NCAN: variants seen among roughly 807,000 people sequenced by gnomAD.
NCAN encodes the protein neurocan core protein.
In NCAN, 47 loss-of-function variants were observed where a neutral mutation model predicts 121.8. The observed-to-expected ratio is 0.39, with a 90% confidence interval of 0.31 to 0.49. The LOEUF is 0.49. Among genes scored for constraint, NCAN ranks in the 20% least tolerant of loss-of-function variants. The pLI, the probability that NCAN is intolerant of heterozygous loss-of-function variation, is 0.92. For missense variants in NCAN, 1,517 were observed against 1,773.4 expected (o/e 0.86, Z 2.60); for synonymous variants, 633 against 702.0 (o/e 0.90, Z 1.55).
At chr19:19,224,858 G>A in intron 5 of NCAN, 119 bp from the exon 6 acceptor site, 4 of 893,592 alleles carry the variant, frequency 4.5e-6, no homozygotes, top group African/African-American at 3.5e-5. Context: ...GGTTGTCACC[G>A]CCTCTTCTAA....
Position 19,227,755 on chromosome 19 carries a change from G to A in NCAN, c.2135G>A (p.Ser712Asn), listed in dbSNP as rs751676507. 17 of 1,613,610 alleles carry A rather than the reference G, an allele frequency of 1.1e-5. No homozygotes were observed. The highest frequency in any genetic ancestry group is 5.1e-6 in the Non-Finnish European group (6 of 1,180,032). Residue 712 changes from serine to asparagine, a missense_variant, in exon 8 of 15, where the codon AGC becomes AAC. Coordinates refer to ENST00000252575, the MANE Select transcript of NCAN (RefSeq NM_004386.3). This position sits in a 1 kb window ranked among gnomAD's most constrained non-coding sequence, Gnocchi z 4.2. ...RADFRETGET[S>N]PAQVNKAEHS... ...GACTTCAGAGAAACTGGGGAGACCA[G>A]CCCTGCTCAGGTCAACAAAGCTGAG...
In NCAN at chr19:19,227,063, G is replaced by A. The variant is rs541204872; in HGVS notation, c.1650G>A (p.Met550Ile). The change falls in exon 7 of 15, where the codon ATG (methionine) becomes ATA (isoleucine). Residue 550 changes from methionine (M) to isoleucine (I), a missense_variant. Physicochemically the swap from Met to Ile is conservative, Grantham distance 10. Transcript: ENST00000252575. This position sits in a 1 kb window ranked among gnomAD's most constrained non-coding sequence, Gnocchi z 4.2. ...PWADLTNEVD[M>I]PGAGSAGGKS... is the part of the protein sequence containing the mutation. Reference sequence around the variant, plus strand: ...CTGATCTGACCAATGAGGTGGATATGCCTGGAGCTGGTGAGTTGCTCTGGG... The same window carrying A: ...CTGATCTGACCAATGAGGTGGATATACCTGGAGCTGGTGAGTTGCTCTGGG... The A allele has an allele frequency of 1.4e-5, 21 of 1,510,290 alleles. No individual in the cohort carries two copies. In the East Asian group the frequency reaches 4.8e-4, roughly 35 times the overall value. The allele number at this position is 1,510,290 out of a possible 1,614,324, so 93.6% of individuals were successfully genotyped here.
At chr19:19,235,889 G>C (rs904899894) in intron 10 of NCAN, among the ~76,000 whole-genome samples, 2 of 152,112 alleles carry the variant, frequency 1.3e-5, no homozygotes, top group African/African-American at 4.8e-5. Flanking sequence ...TGGGACTACA[G>C]GCACACACCA....
At position 19,245,336 on chromosome 19, in the gene NCAN, C is replaced by G; in HGVS notation, c.3516C>G (p.Asn1172Lys). The G allele has an allele frequency of 6.2e-7, 1 of 1,614,186 alleles. No homozygotes were observed. Residue 1172 changes from asparagine (N) to lysine (K), a missense_variant, in exon 13 of 15, where the codon AAC (asparagine) becomes AAG (lysine). Asn to Lys is a moderately conservative substitution (Grantham distance 94). Coordinates refer to ENST00000252575, the MANE Select transcript of NCAN (RefSeq NM_004386.3). The stretch of plus-strand genomic sequence containing the variant: ...AGCAATTTGAGAACTGGCGAGAGAA[C>G]CAGCCGGACAATTTCTTCGCGGGTG... The part of the protein sequence containing the change: ...TGLQFENWRE[N>K]QPDNFFAGGE...
rs2060832565 is a variant in NCAN, at chr19:19,225,412, C to T, written c.1072+142C>T. 1 of 1,102,992 alleles carries T rather than the reference C, an allele frequency of 9.1e-7. No individual in the cohort carries two copies. The highest frequency in any genetic ancestry group is 1.2e-6 in the Non-Finnish European group (1 of 819,178). The allele number at this position is 1,102,992 out of a possible 1,614,324, so 68.3% of individuals were successfully genotyped here. A position where few individuals can be genotyped will look rare whatever the true frequency, so the allele number is the denominator to read the frequency against. On this transcript the variant is annotated intron_variant, in intron 6 of 14. Coordinates refer to ENST00000252575, the MANE Select transcript of NCAN (RefSeq NM_004386.3). This position sits in a 1 kb window ranked among gnomAD's most constrained non-coding sequence, Gnocchi z 4.0. Reference sequence around the variant, plus strand: ...CACATCCCTGGGTGAGGGCCACGCCCCCGGGTGAAGGCCACACCCGTTACG... The same window carrying T: ...CACATCCCTGGGTGAGGGCCACGCCTCCGGGTGAAGGCCACACCCGTTACG...
At chr19:19,248,935 C>T in intron 14 of NCAN, 53 bp downstream of exon 14, 2 of 1,571,658 alleles carry the variant, frequency 1.3e-6, no homozygotes, top group Admixed American at 3.4e-5. Flanking sequence ...TTTCTAGTTT[C>T]CAAGTAAGAC....
Position 19,228,185 on chromosome 19 carries a change from A to T in NCAN, c.2565A>T (p.Glu855Asp). Residue 855 changes from glutamate (E) to aspartate (D), a missense_variant, in exon 8 of 15, where the codon GAA becomes GAT. By Grantham distance (45) the Glu-to-Asp change is conservative. Transcript: ENST00000252575. ...GATCCCAGGTGTTTGAAGAAGCCGAAAGCACCACCTTGAGCCCTCAGGTGG... is the reference window on the plus strand; with the variant it reads ...GATCCCAGGTGTTTGAAGAAGCCGATAGCACCACCTTGAGCCCTCAGGTGG... ...EPGSQVFEEA[E>D]STTLSPQVAL... 1.9e-6 allele frequency: 3 copies of T among 1,613,898 alleles called. No individual in the cohort carries two copies. Among genetic ancestry groups the T allele is most frequent in the Non-Finnish European group, 2.5e-6 (3 of 1,180,020 alleles).
intron 12 of NCAN, among the ~76,000 whole-genome samples, chr19:19,240,957 C>T (rs2060901267): frequency 6.6e-6 from 1 of 152,184 alleles, no homozygotes; most frequent in African/African-American, 2.4e-5. Flanking sequence ...TCTGCCTGGT[C>T]CCCCAGCCAT....
Position 19,226,728 on chromosome 19 carries a change from G to T in NCAN, c.1315G>T (p.Ala439Ser). The T allele has an allele frequency of 7.4e-6, 12 of 1,612,634 alleles. No individual in the cohort carries two copies. The highest frequency in any genetic ancestry group is 1.0e-5 in the Non-Finnish European group (12 of 1,179,158). The change falls in exon 7 of 15, where the codon GCC becomes TCC. Residue 439 changes from alanine (A) to serine (S), a missense_variant. Transcript: ENST00000252575. ...LSPTPGDPML[A>S]SWPTGEVWLS... Reference sequence around the variant, plus strand: ...CCCTACCCCTGGGGACCCCATGCTGGCCTCATGGCCCACTGGGGAAGTGTG... The same window carrying T: ...CCCTACCCCTGGGGACCCCATGCTGTCCTCATGGCCCACTGGGGAAGTGTG...
intron 3 of NCAN, among the ~76,000 whole-genome samples, chr19:19,223,065 C>T (rs1314701838): frequency 4.6e-5 from 7 of 151,878 alleles, no homozygotes; most frequent in South Asian, 2.1e-4. Context: ...GCTGAGATCG[C>T]GCCACTGCAC....
In NCAN at chr19:19,250,697, A is replaced by T. The variant is rs1411840575; in HGVS notation, c.*786A>T. On this transcript the variant is annotated 3_prime_UTR_variant, in exon 15 of 15. Coordinates refer to ENST00000252575, the MANE Select transcript of NCAN (RefSeq NM_004386.3). Reference sequence around the variant, plus strand: ...TAGACGAGAGGATATTTAGGGCTAGATGAGCCCAGATTTCTTCCCCCTCCA... The same window carrying T: ...TAGACGAGAGGATATTTAGGGCTAGTTGAGCCCAGATTTCTTCCCCCTCCA... The T allele has an allele frequency of 1.9e-5, 3 of 155,944 alleles. No individual in the cohort carries two copies. The highest frequency in any genetic ancestry group is 7.2e-5 in the African/African-American group (3 of 41,456). 9.7% of individuals were successfully genotyped at this position (155,944 alleles called of 1,614,324 possible).
At chr19:19,240,781 G>T (rs950633752) in intron 12 of NCAN, 96 bp downstream of exon 12, 8 of 1,214,186 alleles carry the variant, frequency 6.6e-6, no homozygotes, top group Admixed American at 3.6e-5. Context: ...TCGCAATTGG[G>T]TGTCAGAGGT....
At position 19,226,906 on chromosome 19, in the gene NCAN, C is replaced by A; in HGVS notation, c.1493C>A (p.Pro498Gln). 1 of 1,605,982 alleles carries A rather than the reference C, an allele frequency of 6.2e-7. No homozygotes were observed. Reference protein sequence around the residue: ...GRYFQQQEPEPGLQGGMEASA... With the variant: ...GRYFQQQEPEQGLQGGMEASA... ...TACTTCCAGCAGCAGGAACCGGAGC[C>A]GGGGCTGCAAGGGGGGATGGAGGCC... Residue 498 changes from proline (P) to glutamine (Q), a missense_variant, in exon 7 of 15, where the codon CCG becomes CAG. Pro to Gln is a moderately conservative substitution (Grantham distance 76, BLOSUM62 -1). Transcript: ENST00000252575.
At chr19:19,237,306 A>G (rs1475142567) in intron 10 of NCAN, among the ~76,000 whole-genome samples, 1 of 152,102 alleles carries the variant, frequency 6.6e-6, no homozygotes, top group Non-Finnish European at 1.5e-5. Flanking sequence ...CCTGGCCAAC[A>G]TGGAGAAACC....
chr19:19,251,612 ATCTT>A lies in NCAN; in HGVS notation c.*1702_*1705del, dbSNP rs1208126311. 6.6e-6 allele frequency: 1 copy of A among 152,174 alleles called. No homozygotes were observed. The highest frequency in any genetic ancestry group is 1.5e-5 in the Non-Finnish European group (1 of 68,034). The allele number at this position is 152,174 out of a possible 1,614,324, so 9.4% of individuals were successfully genotyped here. On this transcript the variant is annotated 3_prime_UTR_variant, in exon 15 of 15. Transcript: ENST00000252575. The stretch of plus-strand genomic sequence containing the variant: ...AATCCAGAAGTCAGAGCCAACTCCC[ATCTT>A]GGTTCTGACCCAAATCCTGCTCTGG...
Position 19,250,406 on chromosome 19 carries a change from T to G in NCAN, c.*495T>G. 1 of 333,034 alleles carries G rather than the reference T, an allele frequency of 3.0e-6. No individual in the cohort carries two copies. Among genetic ancestry groups the G allele is most frequent in the Non-Finnish European group, 5.9e-6 (1 of 170,426 alleles). 20.6% of individuals were successfully genotyped at this position (333,034 alleles called of 1,614,324 possible). Reference sequence around the variant, plus strand: ...ACACAGAAGCACACTGTTTTTGAACTTGACAACAGCTCTCCCTTTACCCTG... The same window carrying G: ...ACACAGAAGCACACTGTTTTTGAACGTGACAACAGCTCTCCCTTTACCCTG... On this transcript the variant is annotated 3_prime_UTR_variant, in exon 15 of 15. Coordinates refer to ENST00000252575, the MANE Select transcript of NCAN (RefSeq NM_004386.3).
In NCAN at chr19:19,240,666, GGA is replaced by G; in HGVS notation, c.3474_3475del (p.Trp1158CysfsTer9). ...AGGATCGTGGAGAGAGATTTCCAGT[GGA>G]CGGACAACACCGGGCTGGTGAGTGG... On this transcript the variant is annotated frameshift_variant, in exon 12 of 15. Transcript: ENST00000252575. LOFTEE classifies it high-confidence loss of function. 6.2e-7 allele frequency: 1 copy of G among 1,614,094 alleles called. No homozygotes were observed. The highest frequency in any genetic ancestry group is 8.5e-7 in the Non-Finnish European group (1 of 1,180,032).
chr19:19,232,430 G>A (rs936027549), intron 8 of NCAN, among the ~76,000 whole-genome samples: 9 of 152,248 alleles, frequency 5.9e-5, no homozygotes, highest in South Asian at 4.1e-4. Flanking sequence ...TTGTGCGTGT[G>A]CACACACGTG....
chr19:19,226,900 C>A lies in NCAN; in HGVS notation c.1487C>A (p.Pro496Gln). ...LNGRYFQQQE[P>Q]EPGLQGGMEA... ...GGGCGCTACTTCCAGCAGCAGGAACCGGAGCCGGGGCTGCAAGGGGGGATG... is the reference window on the plus strand; with the variant it reads ...GGGCGCTACTTCCAGCAGCAGGAACAGGAGCCGGGGCTGCAAGGGGGGATG... The change falls in exon 7 of 15, where the codon CCG (proline) becomes CAG (glutamine). Residue 496 changes from proline to glutamine, a missense_variant. Coordinates refer to ENST00000252575, the MANE Select transcript of NCAN (RefSeq NM_004386.3). The A allele has an allele frequency of 6.2e-7, 1 of 1,607,910 alleles. No homozygotes were observed. The highest frequency in any genetic ancestry group is 8.5e-7 in the Non-Finnish European group (1 of 1,176,608).
Sources: gnomAD v4.1 joint callset for allele counts (sites outside exome capture counted in the v4.1 genomes callset) on GRCh38, gnomAD v4.1.1 for gene constraint, Gnocchi (gnomAD v3.1) non-coding constraint, MANE v1.5 for transcripts, NCBI Gene and HGNC (gene_info 2026-07-23, HGNC 2026-07-21) for gene names.